TAOK1: variants seen among roughly 807,000 people sequenced by gnomAD.
The protein encoded by TAOK1 is TAO kinase 1.
In TAOK1, 21 loss-of-function variants were observed where a neutral mutation model predicts 138.3. That is an observed-to-expected ratio of 0.15 (90% confidence interval 0.11 to 0.22). The LOEUF (loss-of-function observed/expected upper bound fraction) is 0.22. TAOK1 is among the 10% of genes least tolerant of loss of function. TAOK1 has a pLI of 1.00. For missense variants in TAOK1, 651 were observed against 1,227.7 expected, an observed-to-expected ratio of 0.53 and a Z score of 7.02; for synonymous variants, 361 against 398.4, an observed-to-expected ratio of 0.91 and a Z score of 1.12.
intron 15 of TAOK1, among the ~76,000 whole-genome samples, chr17:29,516,052 C>T (rs2031808092): frequency 6.6e-6 from 1 of 151,422 alleles, no homozygotes; most frequent in Admixed American, 6.6e-5. Flanking sequence ...ACCTCCGCCT[C>T]CCAGGTTCAA....
At chr17:29,499,546 T>G (rs2153028388) in intron 12 of TAOK1, among the ~76,000 whole-genome samples, 1 of 139,560 alleles carries the variant, frequency 7.2e-6, no homozygotes, top group East Asian at 2.1e-4. Flanking sequence ...ATATCTTTTT[T>G]TCTTTCTTTC....
At chr17:29,425,014 A>G (rs1905589654) in intron 1 of TAOK1, 1 of 152,188 alleles carries the variant, frequency 6.6e-6, no homozygotes, top group South Asian at 2.1e-4. Flanking sequence ...TAACAACCAG[A>G]TAGTTAGAAG....
chr17:29,461,510 TC>T (rs751170723), intron 2 of TAOK1, among the ~76,000 whole-genome samples: 3 of 152,152 alleles, frequency 2.0e-5, no homozygotes, highest in Non-Finnish European at 4.4e-5. Flanking sequence ...TGACACCAAA[TC>T]CAACCTGTGA....
At chr17:29,457,578 G>C (rs1431421403) in intron 2 of TAOK1, among the ~76,000 whole-genome samples, 3 of 142,072 alleles carry the variant, frequency 2.1e-5, no homozygotes, top group Non-Finnish European at 4.6e-5. Context: ...GCTAATTTTT[G>C]TATTTTTAGT....
intron 11 of TAOK1, among the ~76,000 whole-genome samples, chr17:29,496,606 A>ATTTTG (rs1555565226): frequency 1.7e-5 from 2 of 119,174 alleles, no homozygotes; most frequent in Non-Finnish European, 3.4e-5. Context: ...TTTTTTTTTA[A>ATTTTG]AGACAGGGTC....
chr17:29,400,990 G>T (rs767206068), intron 1 of TAOK1, among the ~76,000 whole-genome samples: 1 of 147,012 alleles, frequency 6.8e-6, no homozygotes, highest in Non-Finnish European at 1.5e-5. Flanking sequence ...AGTTCACTGC[G>T]GCCTCCACCT....
At chr17:29,421,849 C>T (rs1040459463) in intron 1 of TAOK1, among the ~76,000 whole-genome samples, 4 of 151,978 alleles carry the variant, frequency 2.6e-5, no homozygotes, top group African/African-American at 9.7e-5. Flanking sequence ...GTGATCCTCG[C>T]CACTCGGCTT....
intron 11 of TAOK1, among the ~76,000 whole-genome samples, chr17:29,496,382 T>G (rs1397726354): frequency 6.6e-6 from 1 of 152,106 alleles, no homozygotes; most frequent in Non-Finnish European, 1.5e-5. Flanking sequence ...CCTCCCAAAG[T>G]GCTGGGATTA....
chr17:29,498,622 G>A (rs1306083781), intron 12 of TAOK1, 101 bp downstream of exon 12: 13 of 1,375,526 alleles, frequency 9.5e-6, no homozygotes, highest in South Asian at 2.6e-5. Context: ...GAAGTTTCCC[G>A]AAGTTTGGAA....
intron 9 of TAOK1, among the ~76,000 whole-genome samples, chr17:29,490,548 A>G (rs968448120): frequency 3.9e-5 from 6 of 152,214 alleles, no homozygotes; most frequent in African/African-American, 1.4e-4. Flanking sequence ...GCCACTTAAG[A>G]ATGTGCCATA....
intron 1 of TAOK1, among the ~76,000 whole-genome samples, chr17:29,397,701 G>GATA (rs368513504): frequency 3.6e-4 from 17 of 47,570 alleles, no homozygotes; most frequent in South Asian, 1.3e-3. Flanking sequence ...ATTCATGTAT[G>GATA]CATACATGAA....
intron 1 of TAOK1, among the ~76,000 whole-genome samples, chr17:29,402,601 G>A (rs1182038584): frequency 6.6e-6 from 1 of 151,998 alleles, no homozygotes; most frequent in Non-Finnish European, 1.5e-5. Flanking sequence ...CACCATGCCT[G>A]GTTGAAAACT....
At chr17:29,428,680 C>T (rs776840896) in intron 1 of TAOK1, among the ~76,000 whole-genome samples, 7 of 152,028 alleles carry the variant, frequency 4.6e-5, no homozygotes, top group Non-Finnish European at 8.8e-5. Context: ...GTTACTCAGG[C>T]TGGAGTGCAG....
intron 18 of TAOK1, among the ~76,000 whole-genome samples, chr17:29,533,501 G>A (rs112717425): frequency 1.7e-3 from 253 of 152,140 alleles, no homozygotes; most frequent in Middle Eastern, 3.4e-3. Context: ...GCTGGGAGGT[G>A]GAGGTTGTAG....
intron 2 of TAOK1, among the ~76,000 whole-genome samples, chr17:29,457,235 GA>G (rs2030405012): frequency 6.8e-6 from 1 of 147,758 alleles, no homozygotes; most frequent in Non-Finnish European, 1.5e-5. Flanking sequence ...AAGTAGATGG[GA>G]ATATACAGGT....
At chr17:29,508,257 G>A (rs928072606) in intron 14 of TAOK1, 125 bp downstream of exon 14, 2 of 757,988 alleles carry the variant, frequency 2.6e-6, no homozygotes, top group African/African-American at 3.5e-5. Context: ...AAAAGGAGAA[G>A]CATTTATGTG....
At chr17:29,446,982 C>T (rs2030097513) in intron 1 of TAOK1, among the ~76,000 whole-genome samples, 1 of 151,396 alleles carries the variant, frequency 6.6e-6, no homozygotes, top group South Asian at 2.1e-4. Flanking sequence ...AGGGATGATC[C>T]ACCTGCCTTA....
intron 16 of TAOK1, among the ~76,000 whole-genome samples, chr17:29,518,982 G>A (rs2153030549): frequency 6.6e-6 from 1 of 152,076 alleles, no homozygotes; most frequent in East Asian, 1.9e-4. Context: ...GGCCTGGCTA[G>A]TCTCCAATTC....
At chr17:29,473,655 T>G (rs1276752607) in intron 3 of TAOK1, among the ~76,000 whole-genome samples, 1 of 151,732 alleles carries the variant, frequency 6.6e-6, no homozygotes, top group African/African-American at 2.4e-5. Context: ...ACACATTGGC[T>G]AGATCTTCTG....
Sources: allele counts gnomAD v4.1 joint callset (sites outside exome capture counted in the v4.1 genomes callset), GRCh38; gene constraint gnomAD v4.1.1; transcripts MANE v1.5; gene names NCBI Gene and HGNC (gene_info 2026-07-23, HGNC 2026-07-21).